CA6: variants seen among roughly 807,000 people sequenced by gnomAD.
CA6 encodes the protein carbonic anhydrase 6.
A neutral mutation model predicts 35.9 loss-of-function variants in CA6; 28 were observed. That is an observed-to-expected ratio of 0.78 (90% CI 0.58 to 1.07). CA6 has a LOEUF of 1.07. CA6 is among the 50% of genes least tolerant of loss of function. The pLI is 0.00. For synonymous variants in CA6, 148 were observed against 152.6 expected (o/e 0.97, Z 0.22); for missense variants, 377 against 382.0 (o/e 0.99, Z 0.11).
chr1:8,949,365 C>G lies in CA6; in HGVS notation c.182C>G (p.Pro61Arg), dbSNP rs753810542. 6.2e-7 allele frequency: 1 copy of G among 1,613,388 alleles called. No individual in the cohort carries two copies. Among genetic ancestry groups the G allele is most frequent in the African/African-American group, 1.3e-5 (1 of 74,940 alleles). ...CAGAGGACGAAGGTGCGGTACAACC[C>G]CTCCTTGAAGGGGCTCAATATGACA... is the stretch of plus-strand genomic sequence containing the variant. ...NLQRTKVRYNPSLKGLNMTGY... is the reference protein window; with the variant it reads ...NLQRTKVRYNRSLKGLNMTGY... Residue 61 changes from proline to arginine, a missense_variant, in exon 2 of 8, where the codon CCC becomes CGC. By Grantham distance (103) the Pro-to-Arg change is moderately radical (BLOSUM62 -2). Transcript: ENST00000377443.
chr1:8,957,200 A>G lies in CA6; in HGVS notation c.323A>G (p.Gln108Arg). 4 of 1,614,098 alleles carry G rather than the reference A, an allele frequency of 2.5e-6. No individual in the cohort carries two copies. The highest frequency in any genetic ancestry group is 3.4e-6 in the Non-Finnish European group (4 of 1,179,990). Residue 108 changes from glutamine to arginine, a missense_variant, in exon 3 of 8, where the codon CAG becomes CGG. Physicochemically the swap from Gln to Arg is conservative, Grantham distance 43. Transcript: ENST00000377443. Reference sequence around the variant, plus strand: ...GCTGACGGCACTGTATACATAGCCCAGCAGATGCACTTTCACTGGGGAGGT... The same window carrying G: ...GCTGACGGCACTGTATACATAGCCCGGCAGATGCACTTTCACTGGGGAGGT... ...TVADGTVYIA[Q>R]QMHFHWGGAS...
At position 8,951,474 on chromosome 1, in the gene CA6, G is replaced by T. The variant is rs762761526; in HGVS notation, c.259+2032G>T. ...TCCTTGTCCTCTCCTTGTGGAGAAG[G>T]GGCGAAGCACAAAGGCCAAAGGCAG... On this transcript the variant is annotated intron_variant, in intron 2 of 7. Coordinates refer to ENST00000377443, the MANE Select transcript of CA6 (RefSeq NM_001215.4). The T allele has an allele frequency of 9.2e-6, 7 of 764,974 alleles. No homozygotes were observed. In the African/African-American group the frequency reaches 1.0e-4, roughly 11 times the overall value. 47.4% of individuals were successfully genotyped at this position (764,974 alleles called of 1,614,324 possible).
intron 2 of CA6, among the ~76,000 whole-genome samples, chr1:8,954,092 A>G (rs1639611068): frequency 6.6e-6 from 1 of 152,064 alleles, no homozygotes. Context: ...TATAATTAAG[A>G]CATAACCATA....
At position 8,949,355 on chromosome 1, in the gene CA6, C is replaced by A. The variant is rs58800854; in HGVS notation, c.172C>A (p.Arg58=). 3.7e-6 allele frequency: 6 copies of A among 1,612,590 alleles called. No individual in the cohort carries two copies. The highest frequency in any genetic ancestry group is 5.1e-6 in the Non-Finnish European group (6 of 1,179,114). Residue 58 remains arginine (R), a synonymous_variant, in exon 2 of 8, where the codon CGG becomes AGG. Coordinates refer to ENST00000377443, the MANE Select transcript of CA6 (RefSeq NM_001215.4). ...SPINLQRTKV[R]YNPSLKGLNM... ...TATCAACCTACAGAGGACGAAGGTGCGGTACAACCCCTCCTTGAAGGGGCT... is the reference window on the plus strand; with the variant it reads ...TATCAACCTACAGAGGACGAAGGTGAGGTACAACCCCTCCTTGAAGGGGCT...
rs373250863 is a variant in CA6, at chr1:8,959,931, C to CAAAAAAAAA, written c.501+940_501+948dup. On this transcript the variant is annotated intron_variant, in intron 4 of 7. Coordinates refer to ENST00000377443, the MANE Select transcript of CA6 (RefSeq NM_001215.4). ...TGGGCAATAAAGCTAGATTCTATCT[C>CAAAAAAAAA]AAAAAAAAAAAAAAAAAAAGCTGGG... 1.9e-3 allele frequency among the ~76,000 whole-genome samples: 145 copies of CAAAAAAAAA among 75,156 alleles called. 7 individuals carry two copies. The highest frequency in any genetic ancestry group is 9.6e-3 in the Middle Eastern group (1 of 104). The allele number at this position is 75,156 out of a possible 152,430, so 49.3% of individuals were successfully genotyped here.
chr1:8,967,077 C>A (rs887976994), intron 5 of CA6, among the ~76,000 whole-genome samples: 3 of 152,172 alleles, frequency 2.0e-5, no homozygotes, highest in African/African-American at 7.2e-5. Flanking sequence ...CCCGCCTTGG[C>A]CTCCCAGAGT....
In CA6 at chr1:8,974,830, C is replaced by A. The variant is rs954642387; in HGVS notation, c.*126C>A. 2 of 562,786 alleles carry A rather than the reference C, an allele frequency of 3.6e-6. No individual in the cohort carries two copies. The highest frequency in any genetic ancestry group is 6.1e-6 in the Non-Finnish European group (2 of 325,834). 34.9% of individuals were successfully genotyped at this position (562,786 alleles called of 1,614,324 possible). A position where few individuals can be genotyped will look rare whatever the true frequency, so the allele number is the denominator to read the frequency against. Reference sequence around the variant, plus strand: ...TGTGTGTCTGGAACACGCTGCTCCCCCTGGGGCAGCTGTTGGGATTCTGAT... The same window carrying A: ...TGTGTGTCTGGAACACGCTGCTCCCACTGGGGCAGCTGTTGGGATTCTGAT... On this transcript the variant is annotated 3_prime_UTR_variant, in exon 8 of 8. Coordinates refer to ENST00000377443, the MANE Select transcript of CA6 (RefSeq NM_001215.4).
intron 2 of CA6, among the ~76,000 whole-genome samples, chr1:8,955,033 G>T (rs1639636963): frequency 1.6e-5 from 1 of 61,738 alleles, no homozygotes; most frequent in Admixed American, 1.6e-4. Context: ...CAGTTGGTGG[G>T]CCGGCACTGA....
chr1:8,968,598 T>C (rs558601706), intron 6 of CA6, among the ~76,000 whole-genome samples: 4 of 152,158 alleles, frequency 2.6e-5, no homozygotes, highest in Non-Finnish European at 5.9e-5. Context: ...TAAGAATGTT[T>C]AACATGTATA....
At position 8,957,275 on chromosome 1, in the gene CA6, A is replaced by C. The variant is rs1475851373; in HGVS notation, c.398A>C (p.His133Pro). Residue 133 changes from histidine to proline, a missense_variant, in exon 3 of 8, where the codon CAT (histidine) becomes CCT (proline). Coordinates refer to ENST00000377443, the MANE Select transcript of CA6 (RefSeq NM_001215.4). ...GAGCACACCGTGGACGGGATCAGAC[A>C]TGTGATCGAGGTACCTGAGGACCCC... Reference protein sequence around the residue: ...GSEHTVDGIRHVIEIHIVHYN... With the variant: ...GSEHTVDGIRPVIEIHIVHYN... 5 of 1,611,946 alleles carry C rather than the reference A, an allele frequency of 3.1e-6. No homozygotes were observed. The highest frequency in any genetic ancestry group is 4.2e-6 in the Non-Finnish European group (5 of 1,178,884).
chr1:8,946,008 C>T (rs1045140192), intron 1 of CA6, 43 bp downstream of exon 1: 1 of 1,232,010 alleles, frequency 8.1e-7, no homozygotes. Flanking sequence ...TACCCTCACA[C>T]CCTTACAACA....
At chr1:8,948,289 AC>A (rs1450332657) in intron 1 of CA6, among the ~76,000 whole-genome samples, 2 of 152,176 alleles carry the variant, frequency 1.3e-5, no homozygotes, top group African/African-American at 4.8e-5. Flanking sequence ...ATAATCACTC[AC>A]CTATGTTACT....
intron 7 of CA6, among the ~76,000 whole-genome samples, chr1:8,973,312 C>A (rs1370953927): frequency 6.6e-6 from 1 of 152,152 alleles, no homozygotes; most frequent in African/African-American, 2.4e-5. Flanking sequence ...AGTCACTGTG[C>A]CCGGCCTGTC....
At chr1:8,964,255 T>C (rs1639914239) in intron 5 of CA6, among the ~76,000 whole-genome samples, 2 of 152,074 alleles carry the variant, frequency 1.3e-5, no homozygotes, top group Admixed American at 6.6e-5. Flanking sequence ...CTCTCTCTCT[T>C]TTTTCTTTTT....
intron 6 of CA6, among the ~76,000 whole-genome samples, chr1:8,970,615 T>C (rs1189309775): frequency 6.6e-6 from 1 of 152,040 alleles, no homozygotes; most frequent in East Asian, 1.9e-4. Context: ...TTCAAGCGAT[T>C]CTCCTGCCTC....
At chr1:8,965,677 C>T (rs1436195019) in intron 5 of CA6, among the ~76,000 whole-genome samples, 2 of 152,046 alleles carry the variant, frequency 1.3e-5, no homozygotes, top group Non-Finnish European at 2.9e-5. Context: ...CACTTGAGGT[C>T]AGGAGTTTGA....
intron 2 of CA6, among the ~76,000 whole-genome samples, chr1:8,956,208 G>A (rs1639678628): frequency 6.6e-6 from 1 of 152,124 alleles, no homozygotes; most frequent in South Asian, 2.1e-4. Context: ...GGGTGACAGA[G>A]TAAGACTCTG....
At chr1:8,970,829 G>A (rs777573289) in intron 6 of CA6, 38 bp from the exon 7 acceptor site, 18 of 1,234,944 alleles carry the variant, frequency 1.5e-5, no homozygotes, top group Admixed American at 5.0e-5. Flanking sequence ...ATTACCCAGT[G>A]ACTCTTCCCC....
At chr1:8,974,594 C>T (rs773672221) in intron 7 of CA6, 28 bp from the exon 8 acceptor site, 2 of 1,536,106 alleles carry the variant, frequency 1.3e-6, no homozygotes, top group Admixed American at 1.7e-5. Context: ...AAGGTTTAAC[C>T]ATTTCCGACT....
Sources: allele counts gnomAD v4.1 joint callset (sites outside exome capture counted in the v4.1 genomes callset), GRCh38; gene constraint gnomAD v4.1.1; transcripts MANE v1.5; gene names NCBI Gene and HGNC (gene_info 2026-07-23, HGNC 2026-07-21).